The following BMPR1A variants were observed in gnomAD, a reference collection of about 807,000 sequenced individuals.
BMPR1A encodes the protein bone morphogenetic protein receptor type-1A.
Under a neutral mutation model 66.0 loss-of-function variants are expected in BMPR1A, and 7 were observed. The ratio of observed to expected loss-of-function variants is 0.11; its 90% CI spans 0.06 to 0.20. The LOEUF is 0.20. BMPR1A is among the 10% of genes least tolerant of loss of function. The pLI, the probability that BMPR1A is intolerant of heterozygous loss-of-function variation, is 1.00. For synonymous variants in BMPR1A, 200 were observed against 229.7 expected (o/e 0.87, Z 1.17); for missense variants, 408 against 669.1 (o/e 0.61, Z 4.31).
intron 1 of BMPR1A, among the ~76,000 whole-genome samples, chr10:86,779,990 T>C (rs775990514): frequency 2.0e-5 from 3 of 152,160 alleles, no homozygotes; most frequent in Non-Finnish European, 2.9e-5. Context: ...ATTATAACCT[T>C]GAACTCCTGG....
intron 1 of BMPR1A, among the ~76,000 whole-genome samples, chr10:86,761,832 A>G (rs537443863): frequency 6.6e-5 from 10 of 152,198 alleles, no homozygotes; most frequent in African/African-American, 1.4e-4. Flanking sequence ...TGGGTGACAG[A>G]TATGAAAAAT....
intron 5 of BMPR1A, among the ~76,000 whole-genome samples, chr10:86,896,730 A>C (rs1843228917): frequency 6.6e-6 from 1 of 152,150 alleles, no homozygotes; most frequent in African/African-American, 2.4e-5. Flanking sequence ...TCAAAGTGTC[A>C]TTATGTACAG....
chr10:86,774,013 G>A (rs889163679), intron 1 of BMPR1A, among the ~76,000 whole-genome samples: 2 of 151,990 alleles, frequency 1.3e-5, no homozygotes, highest in Middle Eastern at 3.4e-3. Flanking sequence ...ACTACACCTG[G>A]CTAATTTTTG....
At chr10:86,904,400 G>C (rs942129688) in intron 7 of BMPR1A, among the ~76,000 whole-genome samples, 1 of 152,204 alleles carries the variant, frequency 6.6e-6, no homozygotes, top group South Asian at 2.1e-4. Flanking sequence ...GATGACAGCA[G>C]ACCTTCTGTT....
chr10:86,800,668 C>G (rs1259375493), intron 1 of BMPR1A, among the ~76,000 whole-genome samples: 1 of 152,206 alleles, frequency 6.6e-6, no homozygotes, highest in Non-Finnish European at 1.5e-5. Flanking sequence ...GCTGGGATTA[C>G]AGGCATGAGC....
intron 1 of BMPR1A, among the ~76,000 whole-genome samples, chr10:86,769,753 G>A (rs1314705486): frequency 2.0e-5 from 3 of 152,162 alleles, no homozygotes; most frequent in Admixed American, 1.3e-4. Flanking sequence ...AACCATTCCT[G>A]GAGGTTAAGA....
At position 86,873,458 on chromosome 10, in the gene BMPR1A, T is replaced by A. The variant is rs542181244; in HGVS notation, c.-152-2409T>A. Among the ~76,000 whole-genome samples the A allele has an allele frequency of 1.1e-4, 15 of 139,976 alleles. No homozygotes were observed. In the South Asian group the frequency reaches 2.9e-3, roughly 27 times the overall value. 91.8% of individuals were successfully genotyped at this position (139,976 alleles called of 152,430 possible). On this transcript the variant is annotated intron_variant, in intron 2 of 12. Transcript: ENST00000372037. ...TAAATTAAAAAAAAAAAAAAAGATG[T>A]TGTTGGTGAATAAGTGAGTAAATTA... is the stretch of plus-strand genomic sequence containing the variant.
At chr10:86,765,986 A>ATTTTT (rs1841155263) in intron 1 of BMPR1A, among the ~76,000 whole-genome samples, 1 of 71,254 alleles carries the variant, frequency 1.4e-5, no homozygotes. Flanking sequence ...CAATTTCCTC[A>ATTTTT]TTCTTTTTTT....
At chr10:86,892,099 T>G (rs2133407229) in intron 4 of BMPR1A, 28 bp from the exon 5 acceptor site, 1 of 1,560,092 alleles carries the variant, frequency 6.4e-7, no homozygotes, top group East Asian at 2.2e-5. Flanking sequence ...ATTTATGTTT[T>G]GTTTTGTTTT....
chr10:86,912,030 A>G (rs1223034037), intron 7 of BMPR1A, among the ~76,000 whole-genome samples: 1 of 152,144 alleles, frequency 6.6e-6, no homozygotes, highest in Non-Finnish European at 1.5e-5. Flanking sequence ...ATGCCAATAC[A>G]CTATAGACAT....
chr10:86,851,585 G>A (rs112401457), intron 2 of BMPR1A, among the ~76,000 whole-genome samples: 3 of 152,278 alleles, frequency 2.0e-5, no homozygotes, highest in African/African-American at 7.2e-5. Flanking sequence ...GAAGTTGAAC[G>A]GGACTCCTCA....
chr10:86,832,616 T>C (rs773128678), intron 1 of BMPR1A, among the ~76,000 whole-genome samples: 1 of 152,224 alleles, frequency 6.6e-6, no homozygotes, highest in Admixed American at 6.5e-5. Flanking sequence ...AACCACTGCT[T>C]ATTTTCTGTC....
At chr10:86,789,827 A>C (rs192081056) in intron 1 of BMPR1A, among the ~76,000 whole-genome samples, 1 of 151,896 alleles carries the variant, frequency 6.6e-6, no homozygotes, top group African/African-American at 2.4e-5. Context: ...AAATGGCTAC[A>C]TAAGCTCATG....
chr10:86,784,707 T>A (rs938067887), intron 1 of BMPR1A, among the ~76,000 whole-genome samples: 1 of 152,164 alleles, frequency 6.6e-6, no homozygotes, highest in Non-Finnish European at 1.5e-5. Context: ...TTGTTAAGAT[T>A]TTCTGTTTCT....
At chr10:86,761,398 T>C (rs532068212) in intron 1 of BMPR1A, among the ~76,000 whole-genome samples, 30 of 152,364 alleles carry the variant, frequency 2.0e-4, no homozygotes, top group Admixed American at 1.8e-3. Context: ...CTGTATATAA[T>C]TGGCTGTTGA....
At chr10:86,828,490 A>C (rs1026180348) in intron 1 of BMPR1A, among the ~76,000 whole-genome samples, 10 of 152,224 alleles carry the variant, frequency 6.6e-5, no homozygotes, top group African/African-American at 2.2e-4. Context: ...ATCTGAAACA[A>C]ATAGCAGCAT....
chr10:86,777,011 A>G (rs1841359602), intron 1 of BMPR1A, among the ~76,000 whole-genome samples: 1 of 152,104 alleles, frequency 6.6e-6, no homozygotes, highest in Admixed American at 6.6e-5. Flanking sequence ...AGTGCCAACA[A>G]TTCTTTTATC....
intron 1 of BMPR1A, among the ~76,000 whole-genome samples, chr10:86,813,056 G>T (rs1042222718): frequency 1.3e-5 from 2 of 152,078 alleles, no homozygotes; most frequent in Non-Finnish European, 2.9e-5. Flanking sequence ...AGTTGGAATT[G>T]TAACAATTTT....
chr10:86,837,268 T>TGTGTGTGTAA (rs766878330), intron 1 of BMPR1A, among the ~76,000 whole-genome samples: 1 of 151,808 alleles, frequency 6.6e-6, no homozygotes, highest in Non-Finnish European at 1.5e-5. Flanking sequence ...TGTGTGTGTG[T>TGTGTGTGTAA]GTGTGTAATC....
Sources: allele counts gnomAD v4.1 joint callset (sites outside exome capture counted in the v4.1 genomes callset), GRCh38; gene constraint gnomAD v4.1.1; transcripts MANE v1.5; gene names NCBI Gene and HGNC (gene_info 2026-07-23, HGNC 2026-07-21).